The following LRRFIP1 variants were observed in gnomAD, a reference collection of about 807,000 sequenced individuals.
LRRFIP1 encodes the protein leucine-rich repeat flightless-interacting protein 1.
LRRFIP1 carries 62 observed loss-of-function variants against 104.4 expected under a neutral mutation model. The observed-to-expected ratio is 0.59, with a 90% CI of 0.48 to 0.73. LRRFIP1 has a LOEUF of 0.73. Ranked by LOEUF, LRRFIP1 falls within the 30% of genes least tolerant of loss-of-function variation. The pLI is 0.00. For synonymous variants in LRRFIP1, 300 were observed against 299.0 expected (o/e 1.00, Z -0.03); for missense variants, 796 against 824.5 (o/e 0.97, Z 0.42).
chr2:237,697,573 G>A (rs545557942), intron 1 of LRRFIP1, among the ~76,000 whole-genome samples: 5 of 152,302 alleles, frequency 3.3e-5, no homozygotes, highest in Admixed American at 2.0e-4. Context: ...CTGGTTCCAG[G>A]GAATATCCAC....
chr2:237,681,091 GGTA>G (rs2091759091), intron 1 of LRRFIP1, among the ~76,000 whole-genome samples: 1 of 152,154 alleles, frequency 6.6e-6, no homozygotes, highest in Non-Finnish European at 1.5e-5. Flanking sequence ...ACATAACAGG[GGTA>G]GTTTTCAACT....
intron 1 of LRRFIP1, among the ~76,000 whole-genome samples, chr2:237,637,073 T>C (rs972186220): frequency 2.6e-5 from 4 of 152,222 alleles, no homozygotes; most frequent in African/African-American, 9.6e-5. Flanking sequence ...AAGGAACCCA[T>C]CATTATGGTA....
At position 237,711,401 on chromosome 2, in the gene LRRFIP1, C is replaced by T. The variant is rs1486892151; in HGVS notation, c.183+2771C>T. Among the ~76,000 whole-genome samples, 5 of 152,228 alleles carry T rather than the reference C, an allele frequency of 3.3e-5. No homozygotes were observed. Among genetic ancestry groups the T allele is most frequent in the East Asian group, 1.9e-4 (1 of 5,206 alleles). ...ATATCTCGCCCTGTTGCAAATTCGG[C>T]GGAACATCCGCCACTGAGAGCGGTG... On this transcript the variant is annotated intron_variant, in intron 2 of 23. Transcript: ENST00000308482. The surrounding 1 kb of genome is among the most constrained non-coding windows in gnomAD (Gnocchi z 4.4).
At chr2:237,640,618 A>G (rs1275335618) in intron 1 of LRRFIP1, among the ~76,000 whole-genome samples, 1 of 152,164 alleles carries the variant, frequency 6.6e-6, no homozygotes, top group Non-Finnish European at 1.5e-5. Flanking sequence ...ACATTTCCAC[A>G]GGATTAAAAC....
chr2:237,653,086 G>T (rs1276949218), intron 1 of LRRFIP1, among the ~76,000 whole-genome samples: 1 of 152,126 alleles, frequency 6.6e-6, no homozygotes, highest in Non-Finnish European at 1.5e-5. Context: ...CACCATGATT[G>T]TAAGTTTCCT....
At chr2:237,654,397 T>C (rs2149413386) in intron 1 of LRRFIP1, among the ~76,000 whole-genome samples, 1 of 152,330 alleles carries the variant, frequency 6.6e-6, no homozygotes, top group East Asian at 1.9e-4. Flanking sequence ...AAGGGAACCA[T>C]CGTACACTGT....
At chr2:237,650,157 T>C (rs2085685945) in intron 1 of LRRFIP1, among the ~76,000 whole-genome samples, 1 of 151,558 alleles carries the variant, frequency 6.6e-6, no homozygotes, top group South Asian at 2.1e-4. Context: ...AGTGGGGAGG[T>C]TGCTGTTTTC....
At position 237,735,167 on chromosome 2, in the gene LRRFIP1, C is replaced by T. The variant is rs2095194240; in HGVS notation, c.490-101C>T. ...CCTGCATGCTTTTTCAGGTCATGCT[C>T]CTGGCACGTGTCAGTTTTTCACAGC... On this transcript the variant is annotated intron_variant, in intron 9 of 23. Transcript: ENST00000308482. The surrounding 1 kb of genome is among the most constrained non-coding windows in gnomAD (Gnocchi z 4.6). 5.6e-6 allele frequency: 5 copies of T among 896,112 alleles called. No homozygotes were observed. Among genetic ancestry groups the T allele is most frequent in the Non-Finnish European group, 8.7e-6 (5 of 575,422 alleles). The allele number at this position is 896,112 out of a possible 1,614,324, so 55.5% of individuals were successfully genotyped here. A position where few individuals can be genotyped will look rare whatever the true frequency, so the allele number is the denominator to read the frequency against.
chr2:237,756,688 C>T (rs11674279), intron 16 of LRRFIP1, among the ~76,000 whole-genome samples: 4,825 of 152,204 alleles, frequency 0.032, 92 homozygotes, highest in Middle Eastern at 0.12. Context: ...CGAAACAGTC[C>T]CTCTCATTGG....
chr2:237,719,195 A>C (rs2094452075), intron 4 of LRRFIP1, among the ~76,000 whole-genome samples: 1 of 152,246 alleles, frequency 6.6e-6, no homozygotes, highest in Admixed American at 6.5e-5. Flanking sequence ...AGGTTCTGAA[A>C]GTAAGGGGAA....
intron 11 of LRRFIP1, among the ~76,000 whole-genome samples, chr2:237,747,960 T>C (rs1288757644): frequency 2.0e-5 from 3 of 152,106 alleles, no homozygotes; most frequent in Non-Finnish European, 2.9e-5. Flanking sequence ...AAACCTGTCT[T>C]TTGTTGGATG....
chr2:237,685,473 C>G (rs2092297961), intron 1 of LRRFIP1, among the ~76,000 whole-genome samples: 1 of 152,190 alleles, frequency 6.6e-6, no homozygotes, highest in Non-Finnish European at 1.5e-5. Context: ...ACATACAGCT[C>G]TGAGGCAGGT....
Position 237,766,058 on chromosome 2 carries a change from A to G in LRRFIP1, c.1460-3885A>G, listed in dbSNP as rs576585141. The stretch of plus-strand genomic sequence containing the variant: ...AGACCCACGCCTGATGCCCTCCCTC[A>G]GTAAGGAATGCACTTCCCTCCTGGC... On this transcript the variant is annotated intron_variant, in intron 19 of 23. Transcript: ENST00000308482. This position sits in a 1 kb window ranked among gnomAD's most constrained non-coding sequence, Gnocchi z 4.8. 2.7e-5 allele frequency: 8 copies of G among 293,558 alleles called. No individual in the cohort carries two copies. In the South Asian group the frequency reaches 5.3e-4, roughly 20 times the overall value. The allele number at this position is 293,558 out of a possible 1,614,324, so 18.2% of individuals were successfully genotyped here. A position where few individuals can be genotyped will look rare whatever the true frequency, so the allele number is the denominator to read the frequency against.
chr2:237,699,732 T>G (rs2093406355), intron 1 of LRRFIP1, among the ~76,000 whole-genome samples: 1 of 152,242 alleles, frequency 6.6e-6, no homozygotes, highest in Non-Finnish European at 1.5e-5. Context: ...GCGGGATGGT[T>G]GGCCGACCTG....
intron 19 of LRRFIP1, among the ~76,000 whole-genome samples, chr2:237,762,291 G>A (rs1380691451): frequency 6.6e-6 from 1 of 152,172 alleles, no homozygotes; most frequent in Non-Finnish European, 1.5e-5. Flanking sequence ...GGATTGTTTG[G>A]CTGCCTGATC....
chr2:237,653,877 G>A (rs2086349977), intron 1 of LRRFIP1, among the ~76,000 whole-genome samples: 1 of 152,186 alleles, frequency 6.6e-6, no homozygotes. Flanking sequence ...AGACTTAAAT[G>A]TAAGACCTGA....
At chr2:237,692,067 G>C in intron 1 of LRRFIP1, 1 of 484,226 alleles carries the variant, frequency 2.1e-6, no homozygotes, top group Non-Finnish European at 2.6e-6. Flanking sequence ...GGCGGGTCAT[G>C]GGGCGGGGGC....
chr2:237,628,879 A>G (rs1275700620), intron 1 of LRRFIP1, among the ~76,000 whole-genome samples: 2 of 152,188 alleles, frequency 1.3e-5, no homozygotes, highest in African/African-American at 2.4e-5. Flanking sequence ...CTACTGAGTG[A>G]ATAAAGACTT....
chr2:237,758,724 C>G lies in LRRFIP1; in HGVS notation c.1225-5C>G, dbSNP rs565737073. On this transcript the variant is annotated splice_polypyrimidine_tract_variant and splice_region_variant and intron_variant, in intron 17 of 23. Transcript: ENST00000308482. ...TTCTTTCTCTTGGCTCTGCTGCACA[C>G]TCAGGCATTAGAGAGGCAGAAAGAG... 5.6e-6 allele frequency: 9 copies of G among 1,604,152 alleles called. No homozygotes were observed. In the East Asian group the frequency reaches 2.0e-4, roughly 36 times the overall value.
Sources: allele counts gnomAD v4.1 joint callset (sites outside exome capture counted in the v4.1 genomes callset), GRCh38; gene constraint gnomAD v4.1.1; non-coding constraint Gnocchi (gnomAD v3.1); transcripts MANE v1.5; gene names NCBI Gene and HGNC (gene_info 2026-07-23, HGNC 2026-07-21).